The following GPN1 variants were observed in gnomAD, a reference collection of about 807,000 sequenced individuals.
GPN1 encodes the protein GPN-loop GTPase 1.
GPN1 carries 44 observed loss-of-function variants against 55.9 expected under a neutral mutation model. The ratio of observed to expected loss-of-function variants is 0.79; its 90% CI spans 0.62 to 1.01. The LOEUF (loss-of-function observed/expected upper bound fraction) is 1.01, where lower values mean the gene tolerates loss of function less well. Ranked by LOEUF, GPN1 falls within the 50% of genes least tolerant of loss-of-function variation. The pLI is 0.00. For synonymous variants in GPN1, 179 were observed against 162.5 expected, an observed-to-expected ratio of 1.10 and a Z score of -0.77; for missense variants, 466 against 462.8, an observed-to-expected ratio of 1.01 and a Z score of -0.06.
rs1674481904 is a variant in GPN1 at position 27,650,587 on chromosome 2, C to T, written c.*387C>T. Reference sequence around the variant, plus strand: ...TCTATTATTAGGCTAGATGTATAGCCTCTACTCCCCCAGCTTCTTGCTCTT... The same window carrying T: ...TCTATTATTAGGCTAGATGTATAGCTTCTACTCCCCCAGCTTCTTGCTCTT... On this transcript the variant is annotated 3_prime_UTR_variant, in exon 14 of 14. Transcript: ENST00000610189. 1 of 155,288 alleles carries T rather than the reference C, an allele frequency of 6.4e-6. No individual in the cohort carries two copies. Among genetic ancestry groups the T allele is most frequent in the Admixed American group, 6.4e-5 (1 of 15,546 alleles). 9.6% of individuals were successfully genotyped at this position (155,288 alleles called of 1,614,324 possible). A position where few individuals can be genotyped will look rare whatever the true frequency, so the allele number is the denominator to read the frequency against.
In GPN1 at chr2:27,646,707, C is replaced by T. The variant is rs1033497360; in HGVS notation, c.932-1129C>T. On this transcript the variant is annotated intron_variant, in intron 12 of 13. Transcript: ENST00000610189. ...TATTTATTTATTGTAATAAATTGTA[C>T]ATTTATTTTTTCTTCTCATCAGCAA... 5.3e-5 allele frequency among the ~76,000 whole-genome samples: 8 copies of T among 151,994 alleles called. No individual in the cohort carries two copies. In the East Asian group the frequency reaches 1.5e-3, roughly 29 times the overall value.
Position 27,650,563 on chromosome 2 carries a change from C to CT in GPN1, c.*364dup, listed in dbSNP as rs1418126235. On this transcript the variant is annotated 3_prime_UTR_variant, in exon 14 of 14. Transcript: ENST00000610189. ...GTCTCCTGGTGACCACCTCAGATCTCTATTATTAGGCTAGATGTATAGCCT... is the reference window on the plus strand; with the variant it reads ...GTCTCCTGGTGACCACCTCAGATCTCTTATTATTAGGCTAGATGTATAGCCT... The CT allele has an allele frequency of 6.2e-6, 1 of 162,140 alleles. No individual in the cohort carries two copies. The highest frequency in any genetic ancestry group is 1.3e-5 in the Non-Finnish European group (1 of 74,080). The allele number at this position is 162,140 out of a possible 1,614,324, so 10.0% of individuals were successfully genotyped here. A position where few individuals can be genotyped will look rare whatever the true frequency, so the allele number is the denominator to read the frequency against.
At position 27,650,100 on chromosome 2, in the gene GPN1, C is replaced by G; in HGVS notation, c.1040-15C>G. 2 of 1,500,494 alleles carry G rather than the reference C, an allele frequency of 1.3e-6. No homozygotes were observed. The highest frequency in any genetic ancestry group is 1.9e-6 in the Non-Finnish European group (2 of 1,076,902). 92.9% of individuals were successfully genotyped at this position (1,500,494 alleles called of 1,614,324 possible). ...ATGAAAGAGTTGAAAAAGAATTGCC[C>G]TTTTTTCCTTGCAGTTACAGAGGAA... On this transcript the variant is annotated splice_polypyrimidine_tract_variant and intron_variant, in intron 13 of 13. Transcript: ENST00000610189.
At chr2:27,629,214 C>T in intron 1 of GPN1, 45 bp downstream of exon 1, 1 of 1,596,598 alleles carries the variant, frequency 6.3e-7, no homozygotes, top group South Asian at 1.1e-5. Context: ...CAAAAGGTTG[C>T]CTCCGGCAGG....
chr2:27,648,029 G>T (rs1391201796), intron 13 of GPN1, 86 bp downstream of exon 13: 92 of 758,790 alleles, frequency 1.2e-4, no homozygotes, highest in East Asian at 2.6e-5. Flanking sequence ...CTTTAAGCGT[G>T]TAGCCAGTAA....
chr2:27,635,164 A>G lies in GPN1; in HGVS notation c.454A>G (p.Ile152Val). ...GGCATCCTCATTTCCAACAGTTGTCATCTATGTAATGGACACATCGAGAAG... is the reference window on the plus strand; with the variant it reads ...GGCATCCTCATTTCCAACAGTTGTCGTCTATGTAATGGACACATCGAGAAG... ...ALASSFPTVVIYVMDTSRSTN... is the reference protein window; with the variant it reads ...ALASSFPTVVVYVMDTSRSTN... Residue 152 changes from isoleucine (I) to valine (V), a missense_variant, in exon 7 of 14, where the codon ATC becomes GTC. Physicochemically the swap from Ile to Val is conservative, Grantham distance 29. Coordinates refer to ENST00000610189, the MANE Select transcript of GPN1 (RefSeq NM_007266.4). 1 of 1,601,704 alleles carries G rather than the reference A, an allele frequency of 6.2e-7. No individual in the cohort carries two copies. The highest frequency in any genetic ancestry group is 1.1e-5 in the South Asian group (1 of 90,604).
Position 27,638,975 on chromosome 2 carries a change from A to G in GPN1, c.661A>G (p.Ser221Gly), listed in dbSNP as rs753375271. 6.2e-7 allele frequency: 1 copy of G among 1,613,564 alleles called. No individual in the cohort carries two copies. The highest frequency in any genetic ancestry group is 8.5e-7 in the Non-Finnish European group (1 of 1,179,556). ...DALNQETTYV[S>G]NLTRSMSLVL... ...CTTGAATCAAGAGACTACATACGTC[A>G]GTAACCTGACTCGTTCAATGAGCCT... is the stretch of plus-strand genomic sequence containing the variant. Residue 221 changes from serine (S) to glycine (G), a missense_variant, in exon 9 of 14, where the codon AGT becomes GGT. By Grantham distance (56) the Ser-to-Gly change is moderately conservative. Transcript: ENST00000610189.
At position 27,629,885 on chromosome 2, in the gene GPN1, A is replaced by G. The variant is rs147056671; in HGVS notation, c.138A>G (p.Gln46=). ...VQRLTGHLHA[Q]GTPPYVINLD... ...GGCTCACAGGACACCTGCATGCCCA[A>G]GGCACTCCACCGTATGTGATCAACC... The change falls in exon 2 of 14, where the codon CAA becomes CAG. Residue 46 remains glutamine, a synonymous_variant. Transcript: ENST00000610189. 2,485 of 1,608,880 alleles carry G rather than the reference A, an allele frequency of 1.5e-3. 2 individuals are homozygous for G. Among genetic ancestry groups the G allele is most frequent in the Non-Finnish European group, 1.9e-3 (2,244 of 1,175,200 alleles).
Position 27,632,620 on chromosome 2 carries a change from C to A in GPN1, c.313-13C>A, listed in dbSNP as rs545292880. Reference sequence around the variant, plus strand: ...AATCGGAATTTGTTGTCATTGACATCTTTTTCTTTTAGGTGATGAAATTTA... The same window carrying A: ...AATCGGAATTTGTTGTCATTGACATATTTTTCTTTTAGGTGATGAAATTTA... On this transcript the variant is annotated splice_polypyrimidine_tract_variant and intron_variant, in intron 4 of 13. Coordinates refer to ENST00000610189, the MANE Select transcript of GPN1 (RefSeq NM_007266.4). 7 of 1,590,110 alleles carry A rather than the reference C, an allele frequency of 4.4e-6. No individual in the cohort carries two copies. The highest frequency in any genetic ancestry group is 6.0e-6 in the Non-Finnish European group (7 of 1,158,468).
intron 8 of GPN1, 130 bp from the exon 9 acceptor site, chr2:27,638,755 T>C: frequency 2.9e-6 from 2 of 698,798 alleles, no homozygotes; most frequent in South Asian, 3.9e-5. Context: ...CTTGTTGCAA[T>C]GGAGGGGAAA....
rs766560139 is a variant in GPN1 at position 27,638,941 on chromosome 2, C to G, written c.627C>G (p.Phe209Leu). The change falls in exon 9 of 14, where the codon TTC becomes TTG. Residue 209 changes from phenylalanine (F) to leucine (L), a missense_variant. Transcript: ENST00000610189. ...AVEWMQDFEAFQDALNQETTY... is the reference protein window; with the variant it reads ...AVEWMQDFEALQDALNQETTY... ...AATGGATGCAGGATTTTGAGGCTTT[C>G]CAAGATGCCTTGAATCAAGAGACTA... 6.2e-7 allele frequency: 1 copy of G among 1,613,492 alleles called. No homozygotes were observed. Among genetic ancestry groups the G allele is most frequent in the Non-Finnish European group, 8.5e-7 (1 of 1,179,422 alleles).
intron 7 of GPN1, 37 bp from the exon 8 acceptor site, chr2:27,638,173 T>A: frequency 1.7e-6 from 2 of 1,179,136 alleles, no homozygotes; most frequent in Non-Finnish European, 2.6e-6. Flanking sequence ...AGAGCTTATG[T>A]GCTTTTACTA....
chr2:27,629,245 G>A (rs1673429877), intron 1 of GPN1, 76 bp downstream of exon 1: 2 of 1,497,296 alleles, frequency 1.3e-6, no homozygotes, highest in Non-Finnish European at 1.8e-6. Context: ...GGAAGAAAGG[G>A]AGGGAAGAGG....
intron 4 of GPN1, among the ~76,000 whole-genome samples, 189 bp downstream of exon 4, chr2:27,632,089 A>G (rs1470333180): frequency 2.6e-5 from 4 of 152,192 alleles, no homozygotes; most frequent in African/African-American, 9.7e-5. Context: ...TTCAAATTTA[A>G]TATTTGTGAC....
chr2:27,635,298 C>CTTTTT, intron 7 of GPN1, 64 bp downstream of exon 7: 13 of 445,244 alleles, frequency 2.9e-5, no homozygotes, highest in South Asian at 9.9e-5. Context: ...CTTCTTCTTC[C>CTTTTT]TCTTTTTTTT....
chr2:27,642,335 A>T, intron 11 of GPN1, 94 bp from the exon 12 acceptor site: 2 of 750,420 alleles, frequency 2.7e-6, no homozygotes, highest in Non-Finnish European at 4.7e-6. Context: ...TGTAGCCTCT[A>T]GTATTTGTAT....
At chr2:27,639,829 CTTTCTT>C (rs1385155651) in intron 9 of GPN1, among the ~76,000 whole-genome samples, 1 of 152,134 alleles carries the variant, frequency 6.6e-6, no homozygotes, top group Non-Finnish European at 1.5e-5. Context: ...CAGGCCATAT[CTTTCTT>C]TTTCAATTTT....
At chr2:27,628,566 T>G, upstream of GPN1, 2 of 1,551,580 alleles carry the variant, frequency 1.3e-6, no homozygotes, top group Non-Finnish European at 1.7e-6. Flanking sequence ...AGGGTCTCGG[T>G]GCTGCCCAGC....
Position 27,629,168 on chromosome 2 carries a change from AG to A in GPN1, c.111+1del. On this transcript the variant is annotated frameshift_variant and splice_region_variant, in exon 1 of 14. Coordinates refer to ENST00000610189, the MANE Select transcript of GPN1 (RefSeq NM_007266.4). LOFTEE classifies it high-confidence loss of function. ...MAGSGKTTFV[Q>X]RLTGHLHAQG... ...GGATCCGGGAAAACCACTTTTGTACAGGTGACGTACACAGCATGGGTGTAGT... is the reference window on the plus strand; with the variant it reads ...GGATCCGGGAAAACCACTTTTGTACAGTGACGTACACAGCATGGGTGTAGT... The A allele has an allele frequency of 6.2e-7, 1 of 1,614,060 alleles. No homozygotes were observed. Among genetic ancestry groups the A allele is most frequent in the Non-Finnish European group, 8.5e-7 (1 of 1,179,946 alleles).
Sources: allele counts gnomAD v4.1 joint callset (sites outside exome capture counted in the v4.1 genomes callset), GRCh38; gene constraint gnomAD v4.1.1; transcripts MANE v1.5; gene names NCBI Gene and HGNC (gene_info 2026-07-23, HGNC 2026-07-21).